The following HERC3 variants were observed in gnomAD, a reference collection of about 807,000 sequenced individuals.
HERC3 encodes probable E3 ubiquitin-protein ligase HERC3.
HERC3 carries 58 observed loss-of-function variants against 129.9 expected under a neutral mutation model. That is an observed-to-expected ratio of 0.45 (90% CI 0.36 to 0.56). The LOEUF is 0.56. HERC3 is among the 20% of genes least tolerant of loss of function. The pLI is 0.00. For missense variants in HERC3, 835 were observed against 1,244.2 expected, an observed-to-expected ratio of 0.67 and a Z score of 4.95; for synonymous variants, 430 against 451.0, an observed-to-expected ratio of 0.95 and a Z score of 0.59.
At chr4:88,642,385 GA>G (rs915943990) in intron 3 of HERC3, among the ~76,000 whole-genome samples, 2 of 152,198 alleles carry the variant, frequency 1.3e-5, no homozygotes, top group African/African-American at 2.4e-5. Context: ...AGAAGTAGAA[GA>G]AAACTTTTTC....
chr4:88,643,765 G>A (rs1302269904), intron 3 of HERC3, among the ~76,000 whole-genome samples: 1 of 152,136 alleles, frequency 6.6e-6, no homozygotes, highest in Non-Finnish European at 1.5e-5. Flanking sequence ...AGATCTCAAT[G>A]TAAAATGTGA....
intron 3 of HERC3, among the ~76,000 whole-genome samples, chr4:88,627,401 T>C (rs186522080): frequency 2.1e-4 from 32 of 152,280 alleles, no homozygotes; most frequent in East Asian, 1.9e-3. Flanking sequence ...ATTTACATTA[T>C]ATTAGGTATT....
At position 88,693,646 on chromosome 4, in the gene HERC3, A is replaced by G. The variant is rs1734297740; in HGVS notation, c.2657+6347A>G. 1.3e-5 allele frequency: 13 copies of G among 981,646 alleles called. No individual in the cohort carries two copies. The South Asian group carries it at 5.2e-4, about 39-fold the overall frequency. The allele number at this position is 981,646 out of a possible 1,614,324, so 60.8% of individuals were successfully genotyped here. On this transcript the variant is annotated intron_variant, in intron 23 of 25. Transcript: ENST00000402738. ...TTTTATGTTATGCAAATTTCACCTC[A>G]ATAAAGTGTGTACATGTGTGTATAT... is the stretch of plus-strand genomic sequence containing the variant.
intron 22 of HERC3, among the ~76,000 whole-genome samples, 177 bp from the exon 23 acceptor site, chr4:88,687,040 A>C (rs1009544326): frequency 5.3e-5 from 8 of 152,220 alleles, no homozygotes; most frequent in Non-Finnish European, 5.9e-5. Flanking sequence ...CCTAAAACAA[A>C]AGATGTTTTT....
chr4:88,567,592 GT>G, the HERC3 span, among the ~76,000 whole-genome samples: 93 of 152,168 alleles, frequency 6.1e-4, no homozygotes, highest in African/African-American at 2.1e-3. Context: ...GCATTCTTCA[GT>G]ATGTCAATTG....
At chr4:88,646,581 A>G (rs1243703414) in intron 3 of HERC3, among the ~76,000 whole-genome samples, 1 of 152,186 alleles carries the variant, frequency 6.6e-6, no homozygotes, top group African/African-American at 2.4e-5. Flanking sequence ...TTCCATCATC[A>G]TCTGCAAAAT....
intron 12 of HERC3, among the ~76,000 whole-genome samples, chr4:88,665,332 G>A (rs937804523): frequency 6.6e-6 from 1 of 152,224 alleles, no homozygotes; most frequent in Non-Finnish European, 1.5e-5. Context: ...AGCTGATGGT[G>A]TAACTCTCAG....
At chr4:88,680,005 G>C in intron 19 of HERC3, 88 bp from the exon 20 acceptor site, 3 of 1,155,668 alleles carry the variant, frequency 2.6e-6, no homozygotes, top group Non-Finnish European at 3.6e-6. Context: ...TCCTTCCTTT[G>C]TCCTGAGTTT....
At chr4:88,607,213 G>C (rs1723758427) in intron 3 of HERC3, among the ~76,000 whole-genome samples, 1 of 151,950 alleles carries the variant, frequency 6.6e-6, no homozygotes, top group African/African-American at 2.4e-5. Flanking sequence ...GTGCACTTGG[G>C]TGTATGAATG....
the HERC3 span, among the ~76,000 whole-genome samples, chr4:88,583,194 T>C: frequency 6.6e-6 from 1 of 152,128 alleles, no homozygotes; most frequent in Admixed American, 6.6e-5. Context: ...TCTCAGCACT[T>C]GGGGAGGCCG....
At chr4:88,656,127 T>G (rs1160176017) in intron 9 of HERC3, 92 bp downstream of exon 9, 4 of 1,236,804 alleles carry the variant, frequency 3.2e-6, no homozygotes, top group Non-Finnish European at 4.6e-6. Flanking sequence ...TTTGAGGTCT[T>G]TTGGAGGGAA....
chr4:88,583,978 T>A, the HERC3 span: 1 of 152,216 alleles, frequency 6.6e-6, no homozygotes, highest in South Asian at 2.1e-4. Context: ...AATCCTATAA[T>A]TGATGCTTTT....
intron 2 of HERC3, among the ~76,000 whole-genome samples, chr4:88,602,971 G>A (rs1262776970): frequency 1.3e-5 from 2 of 152,138 alleles, no homozygotes. Context: ...TATTTTCAAG[G>A]TTCTTTTTAT....
chr4:88,653,375 CA>C (rs1729504265), intron 6 of HERC3, among the ~76,000 whole-genome samples: 1 of 152,170 alleles, frequency 6.6e-6, no homozygotes, highest in South Asian at 2.1e-4. Context: ...TGTAGGAAAT[CA>C]GGTGGGAGAT....
chr4:88,637,733 G>A (rs1727588871), intron 3 of HERC3, among the ~76,000 whole-genome samples: 2 of 152,130 alleles, frequency 1.3e-5, no homozygotes, highest in Admixed American at 6.6e-5. Flanking sequence ...CAGGAGACAA[G>A]AAATAACTAA....
At position 88,649,994 on chromosome 4, in the gene HERC3, G is replaced by A. The variant is rs1424364928; in HGVS notation, c.381G>A (p.Val127=). The A allele has an allele frequency of 1.9e-6, 3 of 1,612,570 alleles. No individual in the cohort carries two copies. In the East Asian group the frequency reaches 6.7e-5, roughly 36 times the overall value. Residue 127 remains valine (V), a synonymous_variant, in exon 4 of 26, where the codon GTG becomes GTA. Transcript: ENST00000402738. ...GLMTTEDSVA[V]PRLIQKLNQQ... ...TGACTACTGAGGATTCTGTGGCAGT[G>A]CCCAGGTAAGAAGGTTTTCAAATGT...
intron 16 of HERC3, among the ~76,000 whole-genome samples, chr4:88,671,687 C>A (rs1731632042): frequency 6.6e-6 from 1 of 152,036 alleles, no homozygotes; most frequent in Non-Finnish European, 1.5e-5. Flanking sequence ...TCATGCCTGG[C>A]TAATTTTTGT....
chr4:88,596,668 A>T (rs965780235), intron 2 of HERC3, among the ~76,000 whole-genome samples: 2 of 152,188 alleles, frequency 1.3e-5, no homozygotes, highest in African/African-American at 4.8e-5. Context: ...TTGTTTTGTG[A>T]AGTATTTGTA....
At chr4:88,579,232 A>AATATATATATATATATAT in the HERC3 span, among the ~76,000 whole-genome samples, 4 of 104,096 alleles carry the variant, frequency 3.8e-5, no homozygotes, top group African/African-American at 1.2e-4. Context: ...AAAAAAAAAA[A>AATATATATATATATATAT]ATATATATAT....
Sources: allele counts gnomAD v4.1 joint callset (sites outside exome capture counted in the v4.1 genomes callset), GRCh38; gene constraint gnomAD v4.1.1; transcripts MANE v1.5; gene names NCBI Gene and HGNC (gene_info 2026-07-23, HGNC 2026-07-21).